FZD6: variants seen among roughly 807,000 people sequenced by gnomAD.
The protein encoded by FZD6 is frizzled class receptor 6.
Under a neutral mutation model 61.4 loss-of-function variants are expected in FZD6, and 49 were observed. The ratio of observed to expected loss-of-function variants is 0.80; its 90% CI spans 0.63 to 1.01. The LOEUF (loss-of-function observed/expected upper bound fraction) is 1.01, where lower values mean the gene tolerates loss of function less well. Ranked by LOEUF, FZD6 falls within the 50% of genes least tolerant of loss-of-function variation. FZD6 has a pLI of 0.00. For missense variants in FZD6, 724 were observed against 848.2 expected, an observed-to-expected ratio of 0.85 and a Z score of 1.82; for synonymous variants, 265 against 292.2, an observed-to-expected ratio of 0.91 and a Z score of 0.95.
chr8:103,317,196 T>C (rs907952021), intron 2 of FZD6, among the ~76,000 whole-genome samples: 1 of 152,140 alleles, frequency 6.6e-6, no homozygotes, highest in African/African-American at 2.4e-5. Flanking sequence ...GTGCAAAGAC[T>C]CTGAGACAGA....
intron 3 of FZD6, among the ~76,000 whole-genome samples, chr8:103,321,441 G>GCAT (rs1814785782): frequency 6.6e-6 from 1 of 152,062 alleles, no homozygotes. Context: ...GGCTTTTGTG[G>GCAT]CATCTTATTT....
At chr8:103,306,111 A>G (rs984489659) in intron 2 of FZD6, among the ~76,000 whole-genome samples, 2 of 152,232 alleles carry the variant, frequency 1.3e-5, no homozygotes, top group African/African-American at 4.8e-5. Context: ...ATCAGTTAAT[A>G]TGTACATTTG....
intron 2 of FZD6, among the ~76,000 whole-genome samples, chr8:103,317,157 T>C (rs1814646673): frequency 6.6e-6 from 1 of 152,190 alleles, no homozygotes; most frequent in Admixed American, 6.5e-5. Flanking sequence ...AGACTCACTA[T>C]CTGGGTGAAG....
At chr8:103,313,381 C>A (rs945841793) in intron 2 of FZD6, among the ~76,000 whole-genome samples, 1 of 152,118 alleles carries the variant, frequency 6.6e-6, no homozygotes, top group Non-Finnish European at 1.5e-5. Flanking sequence ...AAATTGGCTT[C>A]AGTTTTCTCA....
chr8:103,323,961 C>T (rs1814865276), intron 3 of FZD6, among the ~76,000 whole-genome samples: 2 of 152,134 alleles, frequency 1.3e-5, no homozygotes, highest in Non-Finnish European at 2.9e-5. Flanking sequence ...TGAACTCTAT[C>T]CTGTCAATCC....
Position 103,331,374 on chromosome 8 carries a change from C to T in FZD6, c.1986C>T (p.Gly662=). Residue 662 remains glycine, a synonymous_variant, in exon 7 of 7, where the codon GGC becomes GGT. Coordinates refer to ENST00000358755, the MANE Select transcript of FZD6 (RefSeq NM_003506.4). ...ISPKSDITDT[G]LAQSNNLQVP... is the part of the protein sequence containing the mutation. ...CAAAGAGTGATATTACTGACACTGG[C>T]CTGGCACAGAGCAACAATTTGCAGG... The T allele has an allele frequency of 6.2e-7, 1 of 1,612,482 alleles. No homozygotes were observed. The highest frequency in any genetic ancestry group is 2.2e-5 in the East Asian group (1 of 44,872).
At chr8:103,307,703 T>G (rs943547139) in intron 2 of FZD6, 6 of 445,582 alleles carry the variant, frequency 1.3e-5, no homozygotes, top group Non-Finnish European at 2.2e-5. Flanking sequence ...CCTCCTTTCC[T>G]TGTGTTCTAA....
chr8:103,312,367 A>T (rs1814518670), intron 2 of FZD6, among the ~76,000 whole-genome samples: 1 of 152,228 alleles, frequency 6.6e-6, no homozygotes, highest in African/African-American at 2.4e-5. Context: ...TCATGAAAGC[A>T]CTGGGTTACT....
intron 5 of FZD6, among the ~76,000 whole-genome samples, chr8:103,329,013 T>TTTTATATATATATATATATA (rs143400765): frequency 1.7e-3 from 197 of 115,168 alleles, no homozygotes; most frequent in African/African-American, 5.5e-3. Flanking sequence ...CATTTTAGTT[T>TTTTATATATATATATATATA]TATATATATA....
chr8:103,309,866 G>A (rs1044238355), intron 2 of FZD6, among the ~76,000 whole-genome samples: 2 of 152,070 alleles, frequency 1.3e-5, no homozygotes, highest in South Asian at 2.1e-4. Context: ...TCTTCAATTC[G>A]TAACCCTCAG....
chr8:103,317,397 G>T (rs1313731718), intron 2 of FZD6, among the ~76,000 whole-genome samples: 1 of 152,212 alleles, frequency 6.6e-6, no homozygotes, highest in South Asian at 2.1e-4. Context: ...ACGTTTTAAA[G>T]AATCGCATTG....
At chr8:103,306,736 AC>A (rs1312128088) in intron 2 of FZD6, among the ~76,000 whole-genome samples, 1 of 151,602 alleles carries the variant, frequency 6.6e-6, no homozygotes, top group African/African-American at 2.4e-5. Flanking sequence ...CAATCTCCTG[AC>A]CTCAAGATCC....
intron 4 of FZD6, among the ~76,000 whole-genome samples, chr8:103,327,887 A>G (rs1814999360): frequency 6.6e-6 from 1 of 152,100 alleles, no homozygotes; most frequent in African/African-American, 2.4e-5. Flanking sequence ...ATTTGTTATG[A>G]TGAGTTTAAA....
chr8:103,298,807 C>T, upstream of FZD6: 1 of 161,420 alleles, frequency 6.2e-6, no homozygotes, highest in Non-Finnish European at 1.3e-5. Context: ...GCCGCCGCCG[C>T]CGCGAGCCCG....
At chr8:103,310,522 C>T (rs1260245105) in intron 2 of FZD6, among the ~76,000 whole-genome samples, 2 of 152,108 alleles carry the variant, frequency 1.3e-5, no homozygotes, top group Non-Finnish European at 2.9e-5. Flanking sequence ...ACCTTGGCCT[C>T]CCAAAGTGCT....
rs558723768 is a variant in FZD6 at position 103,331,113 on chromosome 8, G to C, written c.1953-228G>C. 7.9e-4 allele frequency among the ~76,000 whole-genome samples: 121 copies of C among 152,226 alleles called. 1 individual carries two copies. The highest frequency in any genetic ancestry group is 3.4e-3 in the Middle Eastern group (1 of 294). ...AATCGCTTGAACCCAAGAGGTGGAG[G>C]TTGCAGTGAGCTGAGATCACGCTAT... On this transcript the variant is annotated intron_variant, in intron 6 of 6. Coordinates refer to ENST00000358755, the MANE Select transcript of FZD6 (RefSeq NM_003506.4).
At chr8:103,330,690 A>T (rs1815095641) in intron 6 of FZD6, among the ~76,000 whole-genome samples, 1 of 152,132 alleles carries the variant, frequency 6.6e-6, no homozygotes, top group African/African-American at 2.4e-5. Context: ...TCAATGGGAG[A>T]GCTAAAGTCT....
intron 2 of FZD6, among the ~76,000 whole-genome samples, chr8:103,313,446 G>GTGC (rs1421549324): frequency 6.6e-6 from 1 of 152,196 alleles, no homozygotes; most frequent in Non-Finnish European, 1.5e-5. Context: ...ATCTCTGGAG[G>GTGC]TGCTCTGAGG....
Position 103,329,732 on chromosome 8 carries a change from A to G in FZD6, c.1619A>G (p.Lys540Arg). 1 of 1,612,872 alleles carries G rather than the reference A, an allele frequency of 6.2e-7. No individual in the cohort carries two copies. Reference protein sequence around the residue: ...FLKHNSKVKHKKKHYKPSSHK... With the variant: ...FLKHNSKVKHRKKHYKPSSHK... Reference sequence around the variant, plus strand: ...AAGCACAATTCTAAAGTTAAACACAAAAAGAAGCACTATAAACCAAGTTCA... The same window carrying G: ...AAGCACAATTCTAAAGTTAAACACAGAAAGAAGCACTATAAACCAAGTTCA... The change falls in exon 6 of 7, where the codon AAA (lysine) becomes AGA (arginine). Residue 540 changes from lysine (K) to arginine (R), a missense_variant. Lys to Arg is a conservative substitution (Grantham distance 26). Transcript: ENST00000358755.
Sources: allele counts gnomAD v4.1 joint callset (sites outside exome capture counted in the v4.1 genomes callset), GRCh38; gene constraint gnomAD v4.1.1; transcripts MANE v1.5; gene names NCBI Gene and HGNC (gene_info 2026-07-23, HGNC 2026-07-21).